Variants in PDE4D observed in about 807,000 individuals in gnomAD.
PDE4D encodes the protein 3',5'-cyclic-AMP phosphodiesterase 4D.
Under a neutral mutation model 87.4 loss-of-function variants are expected in PDE4D, and 24 were observed. The observed-to-expected ratio is 0.27, with a 90% CI of 0.20 to 0.39. The LOEUF is 0.39. Ranked by LOEUF, PDE4D falls within the 10% of genes least tolerant of loss-of-function variation. The pLI, the probability that PDE4D is intolerant of heterozygous loss-of-function variation, is 1.00. For missense variants in PDE4D, 714 were observed against 1,041.0 expected (o/e 0.69, Z 4.32); for synonymous variants, 384 against 383.2 (o/e 1.00, Z -0.02).
chr5:60,024,252 C>G (rs569447408), intron 2 of PDE4D, among the ~76,000 whole-genome samples: 4 of 152,090 alleles, frequency 2.6e-5, no homozygotes, highest in Non-Finnish European at 5.9e-5. Context: ...TGAACATGCA[C>G]ACACATAACC....
rs192584984 is a variant in PDE4D, at chr5:59,423,743, T to C, written c.456-207775A>G. Reference sequence around the variant, plus strand: ...TTATACCTAAAATACACAGTATACATGGGTGACAAGGGCAATTTACAAGGA... The same window carrying C: ...TTATACCTAAAATACACAGTATACACGGGTGACAAGGGCAATTTACAAGGA... On this transcript the variant is annotated intron_variant, in intron 1 of 14. Coordinates refer to ENST00000340635, the MANE Select transcript of PDE4D (RefSeq NM_001104631.2). Among the ~76,000 whole-genome samples, 123 of 151,582 alleles carry C rather than the reference T, an allele frequency of 8.1e-4. 1 individual carries two copies. Among genetic ancestry groups the C allele is most frequent in the Non-Finnish European group, 8.8e-5 (6 of 67,962 alleles).
At chr5:60,233,448 A>C (rs1746046443) in intron 1 of PDE4D, among the ~76,000 whole-genome samples, 1 of 151,780 alleles carries the variant, frequency 6.6e-6, no homozygotes, top group Non-Finnish European at 1.5e-5. Flanking sequence ...GGAAAAGTAC[A>C]ATTTCAAAAA....
intron 1 of PDE4D, among the ~76,000 whole-genome samples, chr5:59,389,488 C>G (rs1490562659): frequency 1.3e-5 from 2 of 151,900 alleles, no homozygotes; most frequent in Non-Finnish European, 2.9e-5. Flanking sequence ...AACTCCTATA[C>G]ACTGACGATG....
intron 5 of PDE4D, among the ~76,000 whole-genome samples, chr5:59,129,776 G>T (rs1305209228): frequency 6.6e-6 from 1 of 152,098 alleles, no homozygotes; most frequent in African/African-American, 2.4e-5. Flanking sequence ...TTTAGAGTCA[G>T]ACAAACCTGT....
chr5:59,007,922 GA>G (rs2153361278), intron 6 of PDE4D, among the ~76,000 whole-genome samples: 2 of 152,146 alleles, frequency 1.3e-5, no homozygotes, highest in South Asian at 4.1e-4. Flanking sequence ...GAGGCTCCTT[GA>G]AGCTGAAATA....
At chr5:60,322,383 C>CAT (rs201972586) in intron 1 of PDE4D, among the ~76,000 whole-genome samples, 7 of 144,794 alleles carry the variant, frequency 4.8e-5, no homozygotes, top group South Asian at 4.4e-4. Flanking sequence ...CACACACACA[C>CAT]ACACACACAC....
chr5:59,082,024 G>A (rs756863132), intron 5 of PDE4D, among the ~76,000 whole-genome samples: 5 of 152,116 alleles, frequency 3.3e-5, no homozygotes, highest in Non-Finnish European at 5.9e-5. Context: ...GCCCTGTAAA[G>A]AGGTGCATTC....
At chr5:60,451,882 G>A (rs983304971) in intron 1 of PDE4D, among the ~76,000 whole-genome samples, 15 of 152,030 alleles carry the variant, frequency 9.9e-5, no homozygotes, top group South Asian at 2.1e-4. Flanking sequence ...TGCCAGGTTT[G>A]TTGAAAAGTT....
chr5:59,969,898 T>C (rs1211799832), intron 3 of PDE4D, among the ~76,000 whole-genome samples: 1 of 152,216 alleles, frequency 6.6e-6, no homozygotes, highest in Non-Finnish European at 1.5e-5. Flanking sequence ...CTAGGGCAGT[T>C]CTTTATAGCA....
intron 2 of PDE4D, among the ~76,000 whole-genome samples, chr5:60,106,991 C>T (rs1367535463): frequency 6.6e-6 from 1 of 151,352 alleles, no homozygotes; most frequent in Non-Finnish European, 1.5e-5. Flanking sequence ...TAGCAGAAGG[C>T]AAGAAATAAC....
At position 59,941,772 on chromosome 5, in the gene PDE4D, A is replaced by G. The variant is rs1026497049; in HGVS notation, c.272+46716T>C. ...CAGCACTCTAATATCTTCTATATTT[A>G]TCTCTCCTGGTGTGGAACCCCCACC... On this transcript the variant is annotated intron_variant, in intron 3 of 16. Transcript: ENST00000502484. Among the ~76,000 whole-genome samples the G allele has an allele frequency of 1.2e-4, 19 of 152,288 alleles. No individual in the cohort carries two copies. The East Asian group carries it at 1.5e-3, about 12-fold the overall frequency.
chr5:59,276,598 A>C (rs886362459), intron 1 of PDE4D, among the ~76,000 whole-genome samples: 1 of 152,130 alleles, frequency 6.6e-6, no homozygotes, highest in Admixed American at 6.6e-5. Flanking sequence ...CCCTTGGATC[A>C]GAACATACTG....
intron 1 of PDE4D, among the ~76,000 whole-genome samples, chr5:59,641,623 A>G (rs535069785): frequency 3.9e-5 from 6 of 152,362 alleles, no homozygotes; most frequent in Non-Finnish European, 7.3e-5. Context: ...CAATGAACAC[A>G]TCAATACAAA....
At chr5:59,479,964 T>C (rs1011887910) in intron 1 of PDE4D, among the ~76,000 whole-genome samples, 2 of 152,018 alleles carry the variant, frequency 1.3e-5, no homozygotes, top group African/African-American at 4.8e-5. Context: ...CATTAACTTA[T>C]AATTTCTATG....
At chr5:59,854,870 G>T (rs1014640974) in intron 1 of PDE4D, among the ~76,000 whole-genome samples, 2 of 152,036 alleles carry the variant, frequency 1.3e-5, no homozygotes, top group African/African-American at 4.8e-5. Flanking sequence ...CAGGAATGGG[G>T]GACAGCCATG....
intron 1 of PDE4D, among the ~76,000 whole-genome samples, chr5:59,593,862 G>A (rs1478684805): frequency 6.6e-6 from 1 of 152,174 alleles, no homozygotes; most frequent in African/African-American, 2.4e-5. Flanking sequence ...GTGCTACCAA[G>A]TTCTCACAGT....
chr5:59,242,827 G>A lies in PDE4D; in HGVS notation c.456-26859C>T, dbSNP rs546417973. ...GCAGAGAGGAGTTAAATAAATTATG[G>A]ACAGATGTAGAGCCAGTGTCAGAGC... On this transcript the variant is annotated intron_variant, in intron 1 of 14. Coordinates refer to ENST00000340635, the MANE Select transcript of PDE4D (RefSeq NM_001104631.2). Among the ~76,000 whole-genome samples, 233 of 152,194 alleles carry A rather than the reference G, an allele frequency of 1.5e-3. 1 individual carries two copies. Among genetic ancestry groups the A allele is most frequent in the African/African-American group, 5.3e-3 (221 of 41,538 alleles).
chr5:60,425,424 A>C (rs895482134), intron 1 of PDE4D, among the ~76,000 whole-genome samples: 1 of 152,134 alleles, frequency 6.6e-6, no homozygotes, highest in Non-Finnish European at 1.5e-5. Flanking sequence ...CAAAAACAAG[A>C]AATGGGGAAA....
At chr5:59,703,426 T>C (rs1230558820) in intron 1 of PDE4D, among the ~76,000 whole-genome samples, 2 of 152,194 alleles carry the variant, frequency 1.3e-5, no homozygotes, top group Non-Finnish European at 2.9e-5. Context: ...AGGAAGTACC[T>C]TATACTTCAA....
Sources: allele counts gnomAD v4.1 joint callset (sites outside exome capture counted in the v4.1 genomes callset), GRCh38; gene constraint gnomAD v4.1.1; transcripts MANE v1.5; gene names NCBI Gene and HGNC (gene_info 2026-07-23, HGNC 2026-07-21).